MAP4K4: variants seen among roughly 807,000 people sequenced by gnomAD.
The protein encoded by MAP4K4 is mitogen-activated protein kinase kinase kinase kinase 4, also known as HPK/GCK-like kinase HGK.
MAP4K4 carries 38 observed loss-of-function variants against 189.6 expected under a neutral mutation model. That is an observed-to-expected ratio of 0.20 (90% CI 0.15 to 0.26). MAP4K4 has a LOEUF of 0.26. Ranked by LOEUF, MAP4K4 falls within the 10% of genes least tolerant of loss-of-function variation. The probability of loss-of-function intolerance (pLI) is 1.00; values close to 1 mark genes in which losing one functional copy is unlikely to be tolerated. For missense variants in MAP4K4, 1,054 were observed against 1,726.9 expected (o/e 0.61, Z 6.91); for synonymous variants, 610 against 624.3 (o/e 0.98, Z 0.34).
chr2:101,860,486 C>G (rs965703493), intron 15 of MAP4K4: 2 of 192,654 alleles, frequency 1.0e-5, no homozygotes, highest in African/African-American at 4.7e-5. Flanking sequence ...AAATGCATTC[C>G]GGATTTCTGA....
At chr2:101,807,850 A>G (rs930388078) in intron 3 of MAP4K4, among the ~76,000 whole-genome samples, 1 of 152,188 alleles carries the variant, frequency 6.6e-6, no homozygotes, top group African/African-American at 2.4e-5. Flanking sequence ...TCTTTAAATG[A>G]CCAGATCTCA....
At chr2:101,848,658 T>C (rs1373406668) in intron 12 of MAP4K4, among the ~76,000 whole-genome samples, 1 of 152,152 alleles carries the variant, frequency 6.6e-6, no homozygotes, top group Non-Finnish European at 1.5e-5. Flanking sequence ...TGCACCCTTT[T>C]TGCAGGTGAG....
intron 2 of MAP4K4, among the ~76,000 whole-genome samples, chr2:101,709,802 T>G (rs2044404138): frequency 6.6e-6 from 1 of 152,222 alleles, no homozygotes; most frequent in Non-Finnish European, 1.5e-5. Flanking sequence ...CTATGTGTTT[T>G]GGGCGAATAA....
chr2:101,821,113 G>A (rs1422544395), intron 3 of MAP4K4, among the ~76,000 whole-genome samples: 1 of 151,924 alleles, frequency 6.6e-6, no homozygotes, highest in African/African-American at 2.4e-5. Flanking sequence ...TTTCATTGCT[G>A]CTTTCAACAT....
chr2:101,736,171 C>T (rs936066760), intron 2 of MAP4K4, among the ~76,000 whole-genome samples: 1 of 152,260 alleles, frequency 6.6e-6, no homozygotes, highest in African/African-American at 2.4e-5. Context: ...CTGGCCCCTA[C>T]ATCTGATCTG....
At chr2:101,729,605 A>G (rs1449104084) in intron 2 of MAP4K4, among the ~76,000 whole-genome samples, 1 of 152,250 alleles carries the variant, frequency 6.6e-6, no homozygotes, top group African/African-American at 2.4e-5. Flanking sequence ...ATTTATTTTG[A>G]AATGAGATCC....
intron 22 of MAP4K4, chr2:101,870,025 T>A: frequency 1.6e-6 from 1 of 634,394 alleles, no homozygotes; most frequent in Non-Finnish European, 2.6e-6. Flanking sequence ...TTCCTTTTGA[T>A]TTGAGGATAT....
intron 2 of MAP4K4, among the ~76,000 whole-genome samples, chr2:101,753,486 G>C (rs1254676640): frequency 6.6e-6 from 1 of 152,200 alleles, no homozygotes; most frequent in African/African-American, 2.4e-5. Flanking sequence ...AAATAGGGTA[G>C]ATATCCATCT....
intron 3 of MAP4K4, 57 bp from the exon 4 acceptor site, chr2:101,823,871 A>C (rs2096222490): frequency 6.9e-7 from 1 of 1,457,616 alleles, no homozygotes; most frequent in Non-Finnish European, 9.3e-7. Context: ...GTGTGGGGGA[A>C]GTAAAGTCAT....
At chr2:101,722,711 A>G (rs2149463587) in intron 2 of MAP4K4, among the ~76,000 whole-genome samples, 1 of 152,304 alleles carries the variant, frequency 6.6e-6, no homozygotes, top group East Asian at 1.9e-4. Flanking sequence ...ACTAGAGGTC[A>G]CTTTCTAAAG....
chr2:101,881,575 T>C (rs757565131), intron 27 of MAP4K4, among the ~76,000 whole-genome samples: 2 of 152,200 alleles, frequency 1.3e-5, no homozygotes, highest in African/African-American at 4.8e-5. Context: ...CTAGGAGTTA[T>C]GAGAAGGGAA....
intron 31 of MAP4K4, 129 bp downstream of exon 31, chr2:101,888,066 T>G: frequency 1.4e-6 from 1 of 692,008 alleles, no homozygotes; most frequent in Non-Finnish European, 2.2e-6. Context: ...TAGTTGGCAG[T>G]AGATGGTGGA....
chr2:101,784,513 A>T (rs1362038977), intron 2 of MAP4K4, among the ~76,000 whole-genome samples: 1 of 152,180 alleles, frequency 6.6e-6, no homozygotes, highest in Non-Finnish European at 1.5e-5. Context: ...GATTAAACTC[A>T]GCAGATAAAA....
intron 2 of MAP4K4, among the ~76,000 whole-genome samples, chr2:101,787,933 A>G (rs921598927): frequency 6.6e-6 from 1 of 151,346 alleles, no homozygotes; most frequent in Non-Finnish European, 1.5e-5. Flanking sequence ...CCTCCTGAGT[A>G]GCTGGGATTA....
At chr2:101,760,770 G>A (rs551365291) in intron 2 of MAP4K4, among the ~76,000 whole-genome samples, 9 of 152,248 alleles carry the variant, frequency 5.9e-5, no homozygotes, top group African/African-American at 1.4e-4. Context: ...TTGGGAGGCC[G>A]AGGTGGGCGG....
intron 26 of MAP4K4, among the ~76,000 whole-genome samples, chr2:101,875,629 A>G (rs1204546000): frequency 6.6e-6 from 1 of 152,216 alleles, no homozygotes; most frequent in Non-Finnish European, 1.5e-5. Flanking sequence ...CTCTACACAA[A>G]TACTTTATTC....
intron 9 of MAP4K4, 147 bp downstream of exon 9, chr2:101,836,125 C>A (rs984986604): frequency 6.7e-6 from 4 of 598,730 alleles, no homozygotes; most frequent in African/African-American, 1.9e-5. Flanking sequence ...TTAAAAGATG[C>A]GTTGATTTTT....
chr2:101,745,832 G>A (rs2065204815), intron 2 of MAP4K4, among the ~76,000 whole-genome samples: 1 of 150,476 alleles, frequency 6.6e-6, no homozygotes, highest in Non-Finnish European at 1.5e-5. Context: ...TACAAAGTTT[G>A]TTGCCTACTT....
chr2:101,860,589 G>T (rs1407874719), intron 15 of MAP4K4: 1 of 426,190 alleles, frequency 2.3e-6, no homozygotes, highest in Non-Finnish European at 4.2e-6. Context: ...TCTGAGCAAG[G>T]AGGAGAGCTT....
Sources: allele counts gnomAD v4.1 joint callset (sites outside exome capture counted in the v4.1 genomes callset), GRCh38; gene constraint gnomAD v4.1.1; transcripts MANE v1.5; gene names NCBI Gene and HGNC (gene_info 2026-07-23, HGNC 2026-07-21).